The following CACNA1E variants were observed in gnomAD, a reference collection of about 807,000 sequenced individuals.
CACNA1E encodes calcium voltage-gated channel subunit alpha1 E, also known as voltage-dependent R-type calcium channel subunit alpha-1E.
A neutral mutation model predicts 259.2 loss-of-function variants in CACNA1E; 40 were observed. That is an observed-to-expected ratio of 0.15 (90% confidence interval 0.12 to 0.20). The LOEUF (loss-of-function observed/expected upper bound fraction) is 0.20, where lower values mean the gene tolerates loss of function less well. Among genes scored for constraint, CACNA1E ranks in the 10% least tolerant of loss-of-function variants. CACNA1E has a pLI of 1.00. For synonymous variants in CACNA1E, 1,104 were observed against 1,138.5 expected (o/e 0.97, Z 0.61); for missense variants, 1,874 against 3,040.1 (o/e 0.62, Z 9.02).
At chr1:181,599,698 A>G (rs183277055) in intron 6 of CACNA1E, among the ~76,000 whole-genome samples, 63 of 152,344 alleles carry the variant, frequency 4.1e-4, no homozygotes, top group Admixed American at 2.8e-3. Flanking sequence ...TTAGTAAAAA[A>G]TCTGGTGATT....
intron 1 of CACNA1E, among the ~76,000 whole-genome samples, chr1:181,383,186 C>T (rs905955037): frequency 6.6e-6 from 1 of 152,172 alleles, no homozygotes; most frequent in Non-Finnish European, 1.5e-5. Context: ...TTATCTCAGC[C>T]CAATTGTTAT....
At chr1:181,399,512 T>TATC (rs1195014878) in intron 1 of CACNA1E, among the ~76,000 whole-genome samples, 1 of 152,226 alleles carries the variant, frequency 6.6e-6, no homozygotes, top group Non-Finnish European at 1.5e-5. Flanking sequence ...CTAATAGAGC[T>TATC]ATCTAAAGTT....
chr1:181,408,900 C>A (rs16857248), intron 1 of CACNA1E, among the ~76,000 whole-genome samples: 7,596 of 152,154 alleles, frequency 0.05, 335 homozygotes, highest in African/African-American at 0.12. Context: ...TGAGTGTGAG[C>A]TATAGGACAG....
At chr1:181,322,910 G>A (rs375969855) in intron 1 of CACNA1E, among the ~76,000 whole-genome samples, 3 of 152,350 alleles carry the variant, frequency 2.0e-5, no homozygotes, top group African/African-American at 7.2e-5. Context: ...CAGCCCCTGG[G>A]AGCACCAGGA....
intron 11 of CACNA1E, 66 bp downstream of exon 11, chr1:181,717,368 T>G: frequency 7.4e-7 from 1 of 1,351,248 alleles, no homozygotes. Flanking sequence ...GATGTGTGTG[T>G]GAACGCAAGA....
chr1:181,359,021 C>T (rs1173611317), intron 1 of CACNA1E, among the ~76,000 whole-genome samples: 1 of 152,202 alleles, frequency 6.6e-6, no homozygotes, highest in African/African-American at 2.4e-5. Context: ...TATGTTTGAT[C>T]AGTGGCTTAG....
chr1:181,326,976 A>C (rs7525299), intron 1 of CACNA1E, among the ~76,000 whole-genome samples: 4 of 152,044 alleles, frequency 2.6e-5, no homozygotes, highest in Admixed American at 2.0e-4. Flanking sequence ...CTGATTCCTC[A>C]ATCCCTTTGG....
intron 25 of CACNA1E, among the ~76,000 whole-genome samples, chr1:181,744,823 G>A (rs1483082893): frequency 6.6e-6 from 1 of 152,236 alleles, no homozygotes; most frequent in Non-Finnish European, 1.5e-5. Context: ...CAGTGCCCCT[G>A]TTCTGTGGAA....
intron 3 of CACNA1E, among the ~76,000 whole-genome samples, chr1:181,519,249 TCTC>T (rs541714082): frequency 3.8e-4 from 58 of 152,336 alleles, no homozygotes; most frequent in Middle Eastern, 3.4e-3. Flanking sequence ...TTGAAATATG[TCTC>T]CTCCTTTGGG....
intron 7 of CACNA1E, among the ~76,000 whole-genome samples, chr1:181,680,148 C>T (rs1254068237): frequency 1.4e-5 from 2 of 147,240 alleles, no homozygotes; most frequent in Non-Finnish European, 3.0e-5. Flanking sequence ...TCCCCAATCT[C>T]AGCAGCTAGA....
intron 15 of CACNA1E, 96 bp from the exon 16 acceptor site, chr1:181,721,662 A>T: frequency 1.6e-6 from 1 of 638,832 alleles, no homozygotes; most frequent in South Asian, 2.3e-5. Flanking sequence ...AAGGGGGTAG[A>T]TGCAAAAGAC....
chr1:181,327,703 G>A (rs1022143839), intron 1 of CACNA1E, among the ~76,000 whole-genome samples: 2 of 152,216 alleles, frequency 1.3e-5, no homozygotes, highest in Admixed American at 6.5e-5. Context: ...GGAGAATGAG[G>A]GCAGGACCTA....
At chr1:181,771,927 C>A in intron 36 of CACNA1E, 139 bp from the exon 37 acceptor site, 1 of 717,954 alleles carries the variant, frequency 1.4e-6, no homozygotes, top group Non-Finnish European at 2.3e-6. Flanking sequence ...ATGGAAAGCA[C>A]TAGAAGGGGT....
At chr1:181,468,615 C>CCCTTGT (rs1662298678) in intron 2 of CACNA1E, among the ~76,000 whole-genome samples, 5 of 152,108 alleles carry the variant, frequency 3.3e-5, no homozygotes, top group Admixed American at 2.6e-4. Flanking sequence ...AGTGGGGAGC[C>CCCTTGT]AAGATGTGTA....
chr1:181,754,934 C>A (rs540667954), intron 27 of CACNA1E, among the ~76,000 whole-genome samples: 1 of 152,210 alleles, frequency 6.6e-6, no homozygotes, highest in Non-Finnish European at 1.5e-5. Context: ...GTGGAGTACC[C>A]GTACCAGGAT....
At chr1:181,450,247 C>T (rs987014397) in intron 2 of CACNA1E, among the ~76,000 whole-genome samples, 1 of 152,178 alleles carries the variant, frequency 6.6e-6, no homozygotes, top group Non-Finnish European at 1.5e-5. Context: ...AGGTGCCCTC[C>T]CCCAACATTG....
At chr1:181,373,771 C>G (rs1287658944) in intron 1 of CACNA1E, among the ~76,000 whole-genome samples, 1 of 152,060 alleles carries the variant, frequency 6.6e-6, no homozygotes, top group Non-Finnish European at 1.5e-5. Flanking sequence ...GTGATCCGCC[C>G]GCCTTGGCCT....
At chr1:181,620,866 A>G (rs994992616) in intron 6 of CACNA1E, among the ~76,000 whole-genome samples, 1 of 152,198 alleles carries the variant, frequency 6.6e-6, no homozygotes, top group African/African-American at 2.4e-5. Flanking sequence ...TAAATAAGTA[A>G]AGAGGAAGAG....
At chr1:181,706,985 G>C (rs1311373118) in intron 7 of CACNA1E, among the ~76,000 whole-genome samples, 1 of 152,128 alleles carries the variant, frequency 6.6e-6, no homozygotes, top group East Asian at 1.9e-4. Context: ...CCAGACACTG[G>C]GTTAAGCTTC....
Sources: allele counts gnomAD v4.1 joint callset (sites outside exome capture counted in the v4.1 genomes callset), GRCh38; gene constraint gnomAD v4.1.1; transcripts MANE v1.5; gene names NCBI Gene and HGNC (gene_info 2026-07-23, HGNC 2026-07-21).